The following CNTN1 variants were observed in gnomAD, a reference collection of about 807,000 sequenced individuals.
The protein encoded by CNTN1 is contactin-1.
Under a neutral mutation model 126.4 loss-of-function variants are expected in CNTN1, and 38 were observed. The observed-to-expected ratio is 0.30, with a 90% CI of 0.23 to 0.39. CNTN1 has a LOEUF of 0.39. Ranked by LOEUF, CNTN1 falls within the 10% of genes least tolerant of loss-of-function variation. The pLI is 1.00. For missense variants in CNTN1, 1,009 were observed against 1,248.4 expected (o/e 0.81, Z 2.89); for synonymous variants, 413 against 422.6 (o/e 0.98, Z 0.28).
At chr12:41,007,537 G>T (rs1381561939) in intron 17 of CNTN1, among the ~76,000 whole-genome samples, 2 of 152,272 alleles carry the variant, frequency 1.3e-5, no homozygotes, top group Middle Eastern at 6.8e-3. Context: ...AAGTGAAAGA[G>T]AAACAGTTCT....
chr12:40,727,160 C>A (rs1488981077), intron 1 of CNTN1, among the ~76,000 whole-genome samples: 2 of 151,020 alleles, frequency 1.3e-5, no homozygotes, highest in African/African-American at 4.8e-5. Flanking sequence ...GATTACACTT[C>A]TTCAAGGACA....
At chr12:40,892,584 C>T (rs1944276026) in intron 1 of CNTN1, among the ~76,000 whole-genome samples, 1 of 151,966 alleles carries the variant, frequency 6.6e-6, no homozygotes, top group African/African-American at 2.4e-5. Flanking sequence ...ACTGGCATAT[C>T]GGAAATAGTA....
At chr12:40,761,652 C>T (rs1280404772) in intron 1 of CNTN1, among the ~76,000 whole-genome samples, 1 of 151,892 alleles carries the variant, frequency 6.6e-6, no homozygotes, top group Non-Finnish European at 1.5e-5. Context: ...AGTTATTTTA[C>T]TTGTATTATT....
chr12:40,711,025 T>A (rs1278609680), intron 1 of CNTN1, among the ~76,000 whole-genome samples: 1 of 152,156 alleles, frequency 6.6e-6, no homozygotes, highest in African/African-American at 2.4e-5. Context: ...TGAGGTGTAA[T>A]ATCTTAGTTA....
intron 1 of CNTN1, among the ~76,000 whole-genome samples, chr12:40,802,207 G>A (rs1178134212): frequency 6.6e-6 from 1 of 151,900 alleles, no homozygotes; most frequent in East Asian, 1.9e-4. Context: ...TGGAGACAGA[G>A]TTTGAGTTCA....
intron 1 of CNTN1, among the ~76,000 whole-genome samples, chr12:40,894,066 A>C (rs1455078733): frequency 3.3e-5 from 5 of 152,156 alleles, no homozygotes; most frequent in African/African-American, 9.7e-5. Flanking sequence ...CTGTTCCAAT[A>C]TCTCTACAGG....
intron 1 of CNTN1, among the ~76,000 whole-genome samples, chr12:40,798,210 G>A (rs1565750875): frequency 6.6e-6 from 1 of 151,946 alleles, no homozygotes. Context: ...AATGGACAGA[G>A]AAGCAAAAAG....
At chr12:40,757,214 A>G (rs1938646764) in intron 1 of CNTN1, among the ~76,000 whole-genome samples, 1 of 152,012 alleles carries the variant, frequency 6.6e-6, no homozygotes, top group African/African-American at 2.4e-5. Context: ...TCATCTAAGT[A>G]TAATTATTTT....
At chr12:40,801,951 T>C (rs1260823583) in intron 1 of CNTN1, among the ~76,000 whole-genome samples, 3 of 150,758 alleles carry the variant, frequency 2.0e-5, no homozygotes, top group Non-Finnish European at 3.0e-5. Context: ...TTATTGACAA[T>C]GAAGATCAAA....
intron 23 of CNTN1, among the ~76,000 whole-genome samples, chr12:41,038,825 T>G (rs1592442940): frequency 6.6e-6 from 1 of 150,684 alleles, no homozygotes; most frequent in Non-Finnish European, 1.5e-5. Context: ...TAAAGAGAGG[T>G]GGGAGAGAGC....
At position 41,020,428 on chromosome 12, in the gene CNTN1, G is replaced by A; in HGVS notation, c.2511G>A (p.Val837=). The A allele has an allele frequency of 6.2e-7, 1 of 1,605,182 alleles. No individual in the cohort carries two copies. Among genetic ancestry groups the A allele is most frequent in the Non-Finnish European group, 8.5e-7 (1 of 1,172,656 alleles). ...VHWEHVLEKI[V]ESYQIRYWAA... is the part of the protein sequence containing the mutation. ...GGGAACATGTTTTAGAAAAAATAGT[G>A]GAAAGCTATCAGGTACGTTAAATTT... is the stretch of plus-strand genomic sequence containing the variant. The change falls in exon 20 of 24, where the codon GTG becomes GTA. Residue 837 remains valine (V), a synonymous_variant. Coordinates refer to ENST00000551295, the MANE Select transcript of CNTN1 (RefSeq NM_001843.4).
chr12:40,992,111 ATG>A (rs1416493731), intron 16 of CNTN1, among the ~76,000 whole-genome samples: 1 of 152,224 alleles, frequency 6.6e-6, no homozygotes, highest in Non-Finnish European at 1.5e-5. Context: ...TCAAAAATAT[ATG>A]TCAAATCTAC....
intron 7 of CNTN1, among the ~76,000 whole-genome samples, chr12:40,932,663 C>G (rs1255935361): frequency 6.6e-6 from 1 of 151,942 alleles, no homozygotes; most frequent in African/African-American, 2.4e-5. Context: ...TCAAGCTAAA[C>G]TGGTCCAATT....
At chr12:40,984,053 C>T (rs1947890967) in intron 16 of CNTN1, among the ~76,000 whole-genome samples, 1 of 148,610 alleles carries the variant, frequency 6.7e-6, no homozygotes, top group Non-Finnish European at 1.5e-5. Flanking sequence ...ATATTACGCA[C>T]AAAAGAGGAA....
intron 1 of CNTN1, among the ~76,000 whole-genome samples, chr12:40,737,524 G>A (rs1937750552): frequency 6.6e-6 from 1 of 151,640 alleles, no homozygotes; most frequent in Admixed American, 6.6e-5. Flanking sequence ...ATTCAGCATG[G>A]GAGAAAGACG....
Position 40,939,504 on chromosome 12 carries a change from A to C in CNTN1, c.1379+19A>C. 1.2e-6 allele frequency: 2 copies of C among 1,613,162 alleles called. No homozygotes were observed. Among genetic ancestry groups the C allele is most frequent in the Non-Finnish European group, 1.7e-6 (2 of 1,179,482 alleles). On this transcript the variant is annotated intron_variant, in intron 12 of 23. Coordinates refer to ENST00000551295, the MANE Select transcript of CNTN1 (RefSeq NM_001843.4). ...GCAGCAGGTCAGTGCTGAAACTAGA[A>C]ATCCAATTGCAAAATCTGTTTGAAA...
At chr12:40,760,371 A>G (rs1938809863) in intron 1 of CNTN1, among the ~76,000 whole-genome samples, 1 of 152,184 alleles carries the variant, frequency 6.6e-6, no homozygotes, top group Non-Finnish European at 1.5e-5. Context: ...AATTTATATC[A>G]CAAAATTACA....
chr12:40,815,837 T>G (rs1269888977), intron 1 of CNTN1, among the ~76,000 whole-genome samples: 1 of 152,226 alleles, frequency 6.6e-6, no homozygotes, highest in African/African-American at 2.4e-5. Context: ...AATACTTAGT[T>G]TATTGAGAGA....
chr12:40,805,723 G>T (rs1940828808), intron 1 of CNTN1, among the ~76,000 whole-genome samples: 1 of 152,082 alleles, frequency 6.6e-6, no homozygotes, highest in Admixed American at 6.6e-5. Flanking sequence ...GTATGTGTGT[G>T]TATCTCATAA....
Sources: allele counts gnomAD v4.1 joint callset (sites outside exome capture counted in the v4.1 genomes callset), GRCh38; gene constraint gnomAD v4.1.1; transcripts MANE v1.5; gene names NCBI Gene and HGNC (gene_info 2026-07-23, HGNC 2026-07-21).